Variants in ADGRL2 observed in about 807,000 individuals in gnomAD.
ADGRL2 encodes the protein adhesion G protein-coupled receptor L2.
Under a neutral mutation model 157.4 loss-of-function variants are expected in ADGRL2, and 44 were observed. The ratio of observed to expected loss-of-function variants is 0.28; its 90% CI spans 0.22 to 0.36. The LOEUF (loss-of-function observed/expected upper bound fraction) is 0.36. Ranked by LOEUF, ADGRL2 falls within the 10% of genes least tolerant of loss-of-function variation. ADGRL2 has a pLI of 1.00. For synonymous variants in ADGRL2, 585 were observed against 624.7 expected (o/e 0.94, Z 0.95); for missense variants, 1,510 against 1,768.9 (o/e 0.85, Z 2.63).
chr1:81,538,785 G>T (rs1448170062), intron 2 of ADGRL2, among the ~76,000 whole-genome samples: 1 of 152,054 alleles, frequency 6.6e-6, no homozygotes, highest in Non-Finnish European at 1.5e-5. Flanking sequence ...CGGGCAGATT[G>T]CTTGAGCTCA....
chr1:81,893,692 A>C (rs368976755), intron 2 of ADGRL2, among the ~76,000 whole-genome samples: 1 of 152,178 alleles, frequency 6.6e-6, no homozygotes, highest in East Asian at 1.9e-4. Context: ...AGTTCCCTTG[A>C]TGTTCAGCTT....
intron 1 of ADGRL2, among the ~76,000 whole-genome samples, chr1:81,711,103 C>G (rs1022335085): frequency 6.6e-6 from 1 of 152,162 alleles, no homozygotes; most frequent in Non-Finnish European, 1.5e-5. Flanking sequence ...TTAATATCAC[C>G]ACCAAGCTTA....
At chr1:81,911,906 G>A (rs1458910243) in intron 3 of ADGRL2, among the ~76,000 whole-genome samples, 2 of 148,742 alleles carry the variant, frequency 1.3e-5, no homozygotes, top group Admixed American at 6.7e-5. Flanking sequence ...CGGGGGGATG[G>A]ATTGAAATTG....
chr1:81,858,018 T>C (rs1214615149), intron 2 of ADGRL2, among the ~76,000 whole-genome samples: 2 of 152,096 alleles, frequency 1.3e-5, no homozygotes, highest in Non-Finnish European at 2.9e-5. Flanking sequence ...TTAAGATTTA[T>C]GGTTAGTTGC....
intron 3 of ADGRL2, among the ~76,000 whole-genome samples, chr1:81,587,082 A>G (rs1179428116): frequency 6.6e-6 from 1 of 152,088 alleles, no homozygotes; most frequent in Non-Finnish European, 1.5e-5. Context: ...AACTTGTCAG[A>G]CTGCGAAGCT....
At chr1:81,744,447 C>T (rs973935309) in intron 1 of ADGRL2, among the ~76,000 whole-genome samples, 2 of 152,148 alleles carry the variant, frequency 1.3e-5, no homozygotes, top group South Asian at 2.1e-4. Context: ...TGATTTTGAA[C>T]ACAAATTAGC....
At chr1:81,465,536 T>A (rs1466124794) in intron 2 of ADGRL2, among the ~76,000 whole-genome samples, 1 of 152,198 alleles carries the variant, frequency 6.6e-6, no homozygotes, top group Non-Finnish European at 1.5e-5. Context: ...AAGAATATCA[T>A]TCTTGCTAAT....
At position 81,992,385 on chromosome 1, in the gene ADGRL2, C is replaced by G. The variant is rs1222896460; in HGVS notation, c.*1240C>G. On this transcript the variant is annotated 3_prime_UTR_variant, in exon 24 of 24. Coordinates refer to ENST00000686636, the MANE Select transcript of ADGRL2 (RefSeq NM_001366006.2). ...CACTAATATCCAGTGTAAAGTTTAACACGGTTTGACAGTAAATAAATGTGA... is the reference window on the plus strand; with the variant it reads ...CACTAATATCCAGTGTAAAGTTTAAGACGGTTTGACAGTAAATAAATGTGA... 6.6e-6 allele frequency: 1 copy of G among 152,334 alleles called. No individual in the cohort carries two copies. Among genetic ancestry groups the G allele is most frequent in the Non-Finnish European group, 1.5e-5 (1 of 67,990 alleles). The allele number at this position is 152,334 out of a possible 1,614,324, so 9.4% of individuals were successfully genotyped here.
intron 2 of ADGRL2, among the ~76,000 whole-genome samples, chr1:81,499,213 A>G (rs975116129): frequency 2.6e-5 from 4 of 152,240 alleles, no homozygotes; most frequent in African/African-American, 9.6e-5. Flanking sequence ...ACAATGTTAT[A>G]CTCTTTGGTC....
intron 1 of ADGRL2, among the ~76,000 whole-genome samples, chr1:81,343,720 G>A (rs984886695): frequency 6.6e-6 from 1 of 151,958 alleles, no homozygotes; most frequent in Admixed American, 6.5e-5. Flanking sequence ...GAGAGAGAGA[G>A]AAAGAGATTG....
At chr1:81,751,417 G>T (rs114284747) in intron 1 of ADGRL2, among the ~76,000 whole-genome samples, 1 of 152,024 alleles carries the variant, frequency 6.6e-6, no homozygotes, top group African/African-American at 2.4e-5. Context: ...TGATTTTTCC[G>T]CCAAAGAGAG....
chr1:81,956,273 G>C (rs1653481184), intron 11 of ADGRL2, among the ~76,000 whole-genome samples: 1 of 152,146 alleles, frequency 6.6e-6, no homozygotes, highest in Non-Finnish European at 1.5e-5. Context: ...GGTTTTATGT[G>C]TGTGTGTTTT....
chr1:81,680,417 C>A (rs17423764), intron 3 of ADGRL2, among the ~76,000 whole-genome samples: 18,530 of 152,104 alleles, frequency 0.12, 1,193 homozygotes, highest in South Asian at 0.15. Flanking sequence ...TTGAGTAGGG[C>A]AGCAGCCGAA....
chr1:81,870,743 A>G (rs1045054578), intron 2 of ADGRL2, among the ~76,000 whole-genome samples: 1 of 152,080 alleles, frequency 6.6e-6, no homozygotes, highest in African/African-American at 2.4e-5. Context: ...TTATTCATTT[A>G]TGTGTTAGCA....
intron 2 of ADGRL2, among the ~76,000 whole-genome samples, chr1:81,572,803 A>T (rs958014870): frequency 1.3e-5 from 2 of 152,136 alleles, no homozygotes; most frequent in South Asian, 2.1e-4. Context: ...TTCAGCACTT[A>T]TAATATGGTA....
chr1:81,830,539 G>A (rs147652333), intron 1 of ADGRL2, among the ~76,000 whole-genome samples: 3,464 of 151,942 alleles, frequency 0.023, 139 homozygotes, highest in African/African-American at 0.08. Context: ...ATGGAGTCTC[G>A]CTCTGTCTCC....
chr1:81,746,657 AATG>A (rs2085255847), intron 1 of ADGRL2, among the ~76,000 whole-genome samples: 2 of 152,168 alleles, frequency 1.3e-5, no homozygotes, highest in Non-Finnish European at 2.9e-5. Context: ...GAATTAGAAA[AATG>A]ATATGTTTAT....
Position 81,626,100 on chromosome 1 carries a change from C to A in ADGRL2, c.-143+45120C>A, listed in dbSNP as rs199916598. The stretch of plus-strand genomic sequence containing the variant: ...CTGCAGGAATCTGAGACCCAAAACA[C>A]AGGGGCTTCAACACTCTGTCACAAA... On this transcript the variant is annotated intron_variant, in intron 3 of 24. Transcript: ENST00000370721. Among the ~76,000 whole-genome samples the A allele has an allele frequency of 2.0e-4, 30 of 152,302 alleles. No individual in the cohort carries two copies. The East Asian group carries it at 2.7e-3, about 14-fold the overall frequency.
chr1:81,371,916 T>C (rs1217795490), intron 1 of ADGRL2, among the ~76,000 whole-genome samples: 1 of 152,152 alleles, frequency 6.6e-6, no homozygotes, highest in African/African-American at 2.4e-5. Context: ...GTAACAGATG[T>C]GTAAATAAAC....
Sources: allele counts gnomAD v4.1 joint callset (sites outside exome capture counted in the v4.1 genomes callset), GRCh38; gene constraint gnomAD v4.1.1; transcripts MANE v1.5; gene names NCBI Gene and HGNC (gene_info 2026-07-23, HGNC 2026-07-21).